Variants in FCHSD2 observed in about 807,000 individuals in gnomAD.
The protein encoded by FCHSD2 is FCH and double SH3 domains 2.
A neutral mutation model predicts 108.1 loss-of-function variants in FCHSD2; 38 were observed. That is an observed-to-expected ratio of 0.35 (90% CI 0.27 to 0.46). FCHSD2 has a LOEUF of 0.46. FCHSD2 is among the 20% of genes least tolerant of loss of function. FCHSD2 has a pLI of 1.00. For missense variants in FCHSD2, 751 were observed against 897.8 expected (o/e 0.84, Z 2.09); for synonymous variants, 279 against 314.7 (o/e 0.89, Z 1.20).
At chr11:73,020,728 A>G (rs1858081189) in intron 3 of FCHSD2, among the ~76,000 whole-genome samples, 1 of 151,990 alleles carries the variant, frequency 6.6e-6, no homozygotes, top group Non-Finnish European at 1.5e-5. Context: ...TTACTTTTCC[A>G]TAATTTCATG....
intron 5 of FCHSD2, among the ~76,000 whole-genome samples, chr11:72,999,564 C>A (rs1402890876): frequency 2.0e-5 from 3 of 152,098 alleles, no homozygotes; most frequent in Non-Finnish European, 4.4e-5. Context: ...AGGTGATCCA[C>A]CCGGCTTGGC....
At chr11:73,120,113 C>T (rs752016792) in intron 2 of FCHSD2, among the ~76,000 whole-genome samples, 14 of 152,030 alleles carry the variant, frequency 9.2e-5, no homozygotes, top group African/African-American at 1.2e-4. Context: ...AAGAACAGCA[C>T]GGTGGAAACC....
chr11:72,840,995 AGTT>A, intron 18 of FCHSD2, 36 bp from the exon 19 acceptor site: 1 of 1,513,374 alleles, frequency 6.6e-7, no homozygotes, highest in Non-Finnish European at 9.2e-7. Context: ...ATTTTACTTG[AGTT>A]GTTGAGCAAT....
intron 8 of FCHSD2, among the ~76,000 whole-genome samples, chr11:72,974,641 A>G (rs1366104503): frequency 3.3e-5 from 5 of 152,250 alleles, no homozygotes; most frequent in Admixed American, 3.3e-4. Flanking sequence ...ACTGAGAAAC[A>G]GAATTTTAAA....
At chr11:72,918,809 T>C (rs79745265) in intron 9 of FCHSD2, among the ~76,000 whole-genome samples, 1 of 152,266 alleles carries the variant, frequency 6.6e-6, no homozygotes, top group East Asian at 1.9e-4. Context: ...CATTTCCTTA[T>C]GGAGACAAAA....
At chr11:72,864,948 G>A (rs1854690293) in intron 13 of FCHSD2, among the ~76,000 whole-genome samples, 1 of 152,154 alleles carries the variant, frequency 6.6e-6, no homozygotes, top group African/African-American at 2.4e-5. Flanking sequence ...AAACAACGTT[G>A]CTATACTCTG....
At chr11:73,115,801 C>T (rs1194426110) in intron 2 of FCHSD2, among the ~76,000 whole-genome samples, 21 of 152,326 alleles carry the variant, frequency 1.4e-4, no homozygotes. Context: ...TTCCTAAGGC[C>T]TTTCAACTAA....
chr11:72,880,655 C>T (rs999110001), intron 12 of FCHSD2, among the ~76,000 whole-genome samples: 1 of 151,928 alleles, frequency 6.6e-6, no homozygotes, highest in Non-Finnish European at 1.5e-5. Flanking sequence ...GTGGCTCACA[C>T]CTGTAATCTT....
chr11:72,913,827 A>G (rs1156864529), intron 9 of FCHSD2, among the ~76,000 whole-genome samples: 33 of 149,700 alleles, frequency 2.2e-4, no homozygotes, highest in Admixed American at 5.3e-4. Flanking sequence ...AAAAACCCAA[A>G]AAAAAAACAA....
chr11:73,016,902 G>A (rs1406163955), intron 3 of FCHSD2, among the ~76,000 whole-genome samples: 1 of 152,156 alleles, frequency 6.6e-6, no homozygotes, highest in African/African-American at 2.4e-5. Flanking sequence ...GAATTGAGAA[G>A]ACCATTTTGT....
intron 2 of FCHSD2, among the ~76,000 whole-genome samples, chr11:73,087,297 T>C (rs1385329587): frequency 6.6e-6 from 1 of 152,094 alleles, no homozygotes; most frequent in Non-Finnish European, 1.5e-5. Context: ...TTGTACAATA[T>C]GTGTTTTAAG....
In FCHSD2 at chr11:72,934,601, T is replaced by C. The variant is rs187517451; in HGVS notation, c.706-12651A>G. Among the ~76,000 whole-genome samples, 109 of 152,298 alleles carry C rather than the reference T, an allele frequency of 7.2e-4. No individual in the cohort carries two copies. The East Asian group carries it at 7.5e-3, about 10-fold the overall frequency. On this transcript the variant is annotated intron_variant, in intron 8 of 19. Coordinates refer to ENST00000409418, the MANE Select transcript of FCHSD2 (RefSeq NM_014824.3). ...CACTTGCCTCGGCCTCCCAAAGTGC[T>C]GGGATCACAGGCATGAGCTGCTGTG...
At chr11:72,845,802 A>C (rs1473923345) in intron 14 of FCHSD2, among the ~76,000 whole-genome samples, 2 of 152,166 alleles carry the variant, frequency 1.3e-5, no homozygotes, top group Non-Finnish European at 2.9e-5. Context: ...TGTGGGTTTA[A>C]GTCCAGCTTC....
At chr11:73,051,914 CA>C (rs1276528125) in intron 3 of FCHSD2, among the ~76,000 whole-genome samples, 56 of 128,742 alleles carry the variant, frequency 4.3e-4, no homozygotes, top group Admixed American at 7.8e-4. Context: ...CACACACACA[CA>C]CCCCACACAC....
chr11:73,041,353 A>G (rs1282602033), intron 3 of FCHSD2, among the ~76,000 whole-genome samples: 6 of 152,334 alleles, frequency 3.9e-5, no homozygotes, highest in South Asian at 4.1e-4. Flanking sequence ...CCAACAATGT[A>G]TAAGAGTTAC....
chr11:72,964,992 T>A (rs1856880674), intron 8 of FCHSD2, among the ~76,000 whole-genome samples: 1 of 152,072 alleles, frequency 6.6e-6, no homozygotes, highest in Non-Finnish European at 1.5e-5. Flanking sequence ...GGTTTCACTG[T>A]GTTAGCCAGG....
In FCHSD2 at chr11:72,912,165, G is replaced by C. The variant is rs551723862; in HGVS notation, c.829-9527C>G. On this transcript the variant is annotated intron_variant, in intron 9 of 19. Transcript: ENST00000409418. ...TCTTTTGTCTGACTGCTGTAGCTAG[G>C]ACTTCCAGTACTATGTTGAACAACA... 3.3e-5 allele frequency among the ~76,000 whole-genome samples: 5 copies of C among 152,198 alleles called. No individual in the cohort carries two copies. The South Asian group carries it at 1.0e-3, about 32-fold the overall frequency.
At chr11:72,967,496 GAA>G (rs1565346411) in intron 8 of FCHSD2, among the ~76,000 whole-genome samples, 1 of 152,110 alleles carries the variant, frequency 6.6e-6, no homozygotes, top group African/African-American at 2.4e-5. Context: ...CATGCAAAGT[GAA>G]ACAGTCTAGA....
rs548909263 is a variant in FCHSD2, at chr11:72,935,006, C to T, written c.706-13056G>A. 1.6e-4 allele frequency among the ~76,000 whole-genome samples: 25 copies of T among 152,208 alleles called. 1 individual carries two copies. The South Asian group carries it at 2.3e-3, about 14-fold the overall frequency. On this transcript the variant is annotated intron_variant, in intron 8 of 19. Coordinates refer to ENST00000409418, the MANE Select transcript of FCHSD2 (RefSeq NM_014824.3). ...GGCCACACACTCCCTTACACATTAC[C>T]TCTGCCCTCTTTATTCATTTTATCT...
Sources: gnomAD v4.1 joint callset for allele counts (sites outside exome capture counted in the v4.1 genomes callset) on GRCh38, gnomAD v4.1.1 for gene constraint, MANE v1.5 for transcripts, NCBI Gene and HGNC (gene_info 2026-07-23, HGNC 2026-07-21) for gene names.